Variants in FHIT observed in about 807,000 individuals in gnomAD.
FHIT encodes bis(5'-adenosyl)-triphosphatase.
A neutral mutation model predicts 17.9 loss-of-function variants in FHIT; 19 were observed. The ratio of observed to expected loss-of-function variants is 1.06; its 90% CI spans 0.74 to 1.56. The LOEUF (loss-of-function observed/expected upper bound fraction) is 1.56, where lower values mean the gene tolerates loss of function less well. Ranked by LOEUF, FHIT falls within the 40% of genes most tolerant of loss-of-function variation. The pLI is 0.00. For synonymous variants in FHIT, 81 were observed against 69.7 expected (o/e 1.16, Z -0.81); for missense variants, 248 against 189.2 (o/e 1.31, Z -1.82).
At chr3:61,139,985 G>A (rs989135760) in intron 2 of FHIT, among the ~76,000 whole-genome samples, 1 of 143,970 alleles carries the variant, frequency 6.9e-6, no homozygotes, top group East Asian at 2.1e-4. Flanking sequence ...CATCTATGAG[G>A]ATAACGACTT....
At chr3:60,511,689 A>G (rs1349463055) in intron 5 of FHIT, among the ~76,000 whole-genome samples, 1 of 152,190 alleles carries the variant, frequency 6.6e-6, no homozygotes, top group Non-Finnish European at 1.5e-5. Context: ...TCACCTGAGT[A>G]GCCATGAGCA....
intron 3 of FHIT, among the ~76,000 whole-genome samples, chr3:60,952,013 A>G (rs1708905946): frequency 6.6e-6 from 1 of 152,084 alleles, no homozygotes; most frequent in Non-Finnish European, 1.5e-5. Context: ...TAAAAATACA[A>G]AAATTAGCTG....
chr3:60,970,828 A>G (rs1320349956), intron 3 of FHIT, among the ~76,000 whole-genome samples: 2 of 152,166 alleles, frequency 1.3e-5, no homozygotes, highest in Non-Finnish European at 2.9e-5. Context: ...TTCCCAACAT[A>G]TACAAAAATA....
At chr3:60,969,627 T>A (rs1241104137) in intron 3 of FHIT, among the ~76,000 whole-genome samples, 1 of 152,196 alleles carries the variant, frequency 6.6e-6, no homozygotes, top group Admixed American at 6.5e-5. Flanking sequence ...TTTCCAAATA[T>A]TGGAATTCTA....
At chr3:60,452,814 A>G (rs1190211266) in intron 5 of FHIT, among the ~76,000 whole-genome samples, 1 of 152,218 alleles carries the variant, frequency 6.6e-6, no homozygotes, top group Admixed American at 6.5e-5. Flanking sequence ...AGGTTATATT[A>G]CTAACAATAT....
chr3:60,504,646 C>T (rs1024393629), intron 5 of FHIT, among the ~76,000 whole-genome samples: 5 of 151,860 alleles, frequency 3.3e-5, no homozygotes, highest in South Asian at 2.1e-4. Flanking sequence ...TGTATTCAAC[C>T]GCAGCTCCAA....
intron 2 of FHIT, among the ~76,000 whole-genome samples, chr3:61,138,990 T>G (rs1388771390): frequency 6.6e-6 from 1 of 151,444 alleles, no homozygotes; most frequent in Non-Finnish European, 1.5e-5. Context: ...GGGCCCTTAC[T>G]AGCCCATAAA....
intron 4 of FHIT, among the ~76,000 whole-genome samples, chr3:60,607,374 T>G (rs1473765460): frequency 6.6e-6 from 1 of 151,960 alleles, no homozygotes; most frequent in Non-Finnish European, 1.5e-5. Flanking sequence ...CACTTTCATG[T>G]TTATTACTTG....
chr3:60,104,740 A>T (rs1453616395), intron 5 of FHIT, among the ~76,000 whole-genome samples: 1 of 152,138 alleles, frequency 6.6e-6, no homozygotes, highest in Non-Finnish European at 1.5e-5. Flanking sequence ...AAAATTTAGA[A>T]TTTTTAAAAA....
At chr3:59,978,452 A>G (rs895509481) in intron 7 of FHIT, among the ~76,000 whole-genome samples, 13 of 151,992 alleles carry the variant, frequency 8.6e-5, no homozygotes, top group East Asian at 2.0e-4. Flanking sequence ...AGTTATACCC[A>G]TGATGTAAAT....
chr3:60,613,784 T>G (rs968830008), intron 4 of FHIT, among the ~76,000 whole-genome samples: 4 of 152,112 alleles, frequency 2.6e-5, no homozygotes, highest in Non-Finnish European at 5.9e-5. Context: ...AAGGGGCTAC[T>G]AGTAGCTTCT....
chr3:61,215,404 A>T (rs545492626), intron 1 of FHIT, among the ~76,000 whole-genome samples: 2 of 152,326 alleles, frequency 1.3e-5, no homozygotes, highest in South Asian at 4.1e-4. Context: ...GTGAACTCCC[A>T]TTCACAATTG....
At chr3:61,045,349 G>C (rs2033731131) in intron 2 of FHIT, among the ~76,000 whole-genome samples, 2 of 152,274 alleles carry the variant, frequency 1.3e-5, no homozygotes, top group Non-Finnish European at 2.9e-5. Flanking sequence ...CCTAGTCTCT[G>C]ATAAAACAGA....
chr3:60,990,607 C>T (rs1244408331), intron 3 of FHIT, among the ~76,000 whole-genome samples: 1 of 152,128 alleles, frequency 6.6e-6, no homozygotes, highest in Non-Finnish European at 1.5e-5. Context: ...AATAAACAAA[C>T]AATAAACAAT....
intron 8 of FHIT, among the ~76,000 whole-genome samples, chr3:59,906,747 T>C (rs1026989): frequency 0.2 from 30,954 of 152,260 alleles, 3,339 homozygotes; most frequent in East Asian, 0.41. Context: ...AATGATGCTA[T>C]TGTTGTCACT....
Position 60,859,481 on chromosome 3 carries a change from G to A in FHIT, c.-110-37470C>T, listed in dbSNP as rs938324854. Among the ~76,000 whole-genome samples the A allele has an allele frequency of 9.2e-5, 14 of 152,110 alleles. No individual in the cohort carries two copies. The South Asian group carries it at 2.1e-3, about 23-fold the overall frequency. The stretch of plus-strand genomic sequence containing the variant: ...CATTTCCAAGCTTCAGTGGAGTTAC[G>A]TGGGTCCAAATGACTGAGTTCCGAT... On this transcript the variant is annotated intron_variant, in intron 3 of 9. Transcript: ENST00000492590.
At chr3:59,870,039 T>C (rs1702849106) in intron 8 of FHIT, among the ~76,000 whole-genome samples, 1 of 152,152 alleles carries the variant, frequency 6.6e-6, no homozygotes, top group African/African-American at 2.4e-5. Flanking sequence ...TATTATCATC[T>C]CCATTGTATA....
intron 5 of FHIT, among the ~76,000 whole-genome samples, chr3:60,318,108 A>C (rs963823401): frequency 4.6e-5 from 7 of 152,134 alleles, no homozygotes; most frequent in Non-Finnish European, 8.8e-5. Context: ...TGGGCATCTT[A>C]AACAAAAGCA....
At chr3:59,803,875 G>A (rs1249752404) in intron 8 of FHIT, among the ~76,000 whole-genome samples, 2 of 152,084 alleles carry the variant, frequency 1.3e-5, no homozygotes, top group Non-Finnish European at 2.9e-5. Context: ...CTGAACATCC[G>A]GGGCATGTAG....
Sources: allele counts gnomAD v4.1 joint callset (sites outside exome capture counted in the v4.1 genomes callset), GRCh38; gene constraint gnomAD v4.1.1; transcripts MANE v1.5; gene names NCBI Gene and HGNC (gene_info 2026-07-23, HGNC 2026-07-21).